Variants in KYAT3 observed in about 807,000 individuals in gnomAD.
KYAT3 encodes the protein kynurenine--oxoglutarate transaminase 3.
A neutral mutation model predicts 59.0 loss-of-function variants in KYAT3; 50 were observed. The ratio of observed to expected loss-of-function variants is 0.85; its 90% CI spans 0.68 to 1.07. The LOEUF (loss-of-function observed/expected upper bound fraction) is 1.07, where lower values mean the gene tolerates loss of function less well. Among genes scored for constraint, KYAT3 ranks in the 50% least tolerant of loss-of-function variants. KYAT3 has a pLI of 0.00. For missense variants in KYAT3, 497 were observed against 533.3 expected, an observed-to-expected ratio of 0.93 and a Z score of 0.67; for synonymous variants, 148 against 177.0, an observed-to-expected ratio of 0.84 and a Z score of 1.30.
chr1:88,978,090 A>G (rs1051775925), intron 2 of KYAT3, among the ~76,000 whole-genome samples: 7 of 152,024 alleles, frequency 4.6e-5, no homozygotes, highest in African/African-American at 1.4e-4. Context: ...ACATATGTAT[A>G]TATGTATATA....
At chr1:88,923,123 A>G in the KYAT3 span, among the ~76,000 whole-genome samples, 1 of 152,322 alleles carries the variant, frequency 6.6e-6, no homozygotes, top group African/African-American at 2.4e-5. Flanking sequence ...GAGACAGAAA[A>G]TTGCCATTTA....
the KYAT3 span, among the ~76,000 whole-genome samples, chr1:88,925,984 C>T: frequency 6.6e-6 from 1 of 152,152 alleles, no homozygotes; most frequent in African/African-American, 2.4e-5. Context: ...CAACCAGTAG[C>T]CTTCCTATCA....
chr1:88,948,669 C>T (rs1319216215), intron 11 of KYAT3, among the ~76,000 whole-genome samples: 1 of 152,168 alleles, frequency 6.6e-6, no homozygotes, highest in Non-Finnish European at 1.5e-5. Context: ...TATTTCAGTA[C>T]ATTCTAAAAT....
chr1:88,968,725 T>C lies in KYAT3; in HGVS notation c.248A>G (p.Glu83Gly). The C allele has an allele frequency of 6.2e-7, 1 of 1,601,132 alleles. No individual in the cohort carries two copies. The highest frequency in any genetic ancestry group is 8.5e-7 in the Non-Finnish European group (1 of 1,176,388). Reference protein sequence around the residue: ...PDISPPTYVKEELSKIAAIDS... With the variant: ...PDISPPTYVKGELSKIAAIDS... ...GATTGCTGCAATCTTTGATAATTCT[T>C]CTTTTACATATGTAGGAGGGGATAT... The change falls in exon 4 of 14, where the codon GAA (glutamate) becomes GGA (glycine). Residue 83 changes from glutamate (E) to glycine (G), a missense_variant. By Grantham distance (98) the Glu-to-Gly change is moderately conservative. Around this residue, in one of 2 missense-constraint regions of KYAT3, gnomAD observed 469 missense variants for 479.1 expected, o/e 0.98. Transcript: ENST00000260508.
downstream of KYAT3, among the ~76,000 whole-genome samples, chr1:88,933,240 C>T (rs1405295537): frequency 1.3e-5 from 2 of 152,106 alleles, no homozygotes; most frequent in African/African-American, 4.8e-5. Flanking sequence ...CTTAATCTCC[C>T]TCCCCTGGCT....
chr1:88,946,416 G>T (rs1359193118), intron 11 of KYAT3, among the ~76,000 whole-genome samples: 1 of 151,774 alleles, frequency 6.6e-6, no homozygotes, highest in African/African-American at 2.4e-5. Flanking sequence ...TCCCGCCTTG[G>T]CCTCCCAAAG....
At chr1:88,988,821 G>A (rs976759954) in intron 1 of KYAT3, among the ~76,000 whole-genome samples, 16 of 152,148 alleles carry the variant, frequency 1.1e-4, no homozygotes, top group East Asian at 1.9e-4. Context: ...TTGAAAAGAC[G>A]AATGATAGTA....
At chr1:88,922,532 G>C in the KYAT3 span, among the ~76,000 whole-genome samples, 5 of 152,146 alleles carry the variant, frequency 3.3e-5, no homozygotes, top group Non-Finnish European at 7.3e-5. Context: ...TGGCATTAGA[G>C]TCTCATGATC....
chr1:88,983,465 C>T, intron 2 of KYAT3: 1 of 1,614,086 alleles, frequency 6.2e-7, no homozygotes, highest in South Asian at 1.1e-5. Flanking sequence ...TGAAGGAGGT[C>T]CCCTGGTTCC....
intron 8 of KYAT3, among the ~76,000 whole-genome samples, chr1:88,957,816 A>G (rs12058748): frequency 0.032 from 4,947 of 152,292 alleles, 243 homozygotes; most frequent in African/African-American, 0.11. Flanking sequence ...TAATTACAAC[A>G]AGAAAGTAAT....
intron 4 of KYAT3, among the ~76,000 whole-genome samples, chr1:88,967,774 T>C (rs1481529561): frequency 6.6e-6 from 1 of 152,218 alleles, no homozygotes; most frequent in Non-Finnish European, 1.5e-5. Flanking sequence ...TACTTTGAGT[T>C]TTTTCTTTTT....
chr1:88,949,388 G>A (rs1675586623), intron 10 of KYAT3, 111 bp from the exon 11 acceptor site: 3 of 712,634 alleles, frequency 4.2e-6, no homozygotes, highest in African/African-American at 3.7e-5. Flanking sequence ...TGGCAAAGAA[G>A]TCACTCAGGA....
At chr1:88,964,358 G>A (rs1250028899) in intron 5 of KYAT3, among the ~76,000 whole-genome samples, 1 of 152,204 alleles carries the variant, frequency 6.6e-6, no homozygotes, top group Non-Finnish European at 1.5e-5. Flanking sequence ...GGCAGTGTTA[G>A]TCCCTTCCAT....
intron 11 of KYAT3, among the ~76,000 whole-genome samples, chr1:88,943,934 T>C (rs1004159413): frequency 2.0e-5 from 3 of 152,118 alleles, no homozygotes; most frequent in African/African-American, 7.3e-5. Flanking sequence ...ATTTGTTGAA[T>C]GGATAAATTA....
At chr1:88,992,025 C>G (rs1677831529) in intron 1 of KYAT3, among the ~76,000 whole-genome samples, 1 of 149,560 alleles carries the variant, frequency 6.7e-6, no homozygotes, top group African/African-American at 2.5e-5. Context: ...GTCGCCCAGG[C>G]TGGAGTGCAG....
At chr1:88,981,281 A>G (rs1373473676) in intron 2 of KYAT3, 1 of 152,212 alleles carries the variant, frequency 6.6e-6, no homozygotes, top group African/African-American at 2.4e-5. Flanking sequence ...CTTACTGACA[A>G]GACACTTCAC....
intron 13 of KYAT3, 91 bp downstream of exon 13, chr1:88,942,914 G>T: frequency 1.0e-6 from 1 of 984,404 alleles, no homozygotes; most frequent in Non-Finnish European, 1.6e-6. Context: ...CTGCATATGA[G>T]CATATCATTT....
At chr1:88,938,731 G>A (rs978706469) in intron 13 of KYAT3, among the ~76,000 whole-genome samples, 18 of 152,104 alleles carry the variant, frequency 1.2e-4, no homozygotes, top group Admixed American at 5.2e-4. Context: ...CTTTTTTATG[G>A]CTGCATAGTA....
intron 9 of KYAT3, among the ~76,000 whole-genome samples, chr1:88,953,889 CCTT>C (rs748447310): frequency 3.1e-4 from 38 of 121,210 alleles, no homozygotes; most frequent in African/African-American, 7.0e-4. Context: ...GATGCTCCCT[CCTT>C]CTTCTTCTTC....
Sources: allele counts gnomAD v4.1 joint callset (sites outside exome capture counted in the v4.1 genomes callset), GRCh38; gene constraint gnomAD v4.1.1; regional missense constraint gnomAD v4.1.1; transcripts MANE v1.5; gene names NCBI Gene and HGNC (gene_info 2026-07-23, HGNC 2026-07-21).